The following NR3C2 variants were observed in gnomAD, a reference collection of about 807,000 sequenced individuals.
The protein encoded by NR3C2 is mineralocorticoid receptor.
Under a neutral mutation model 86.4 loss-of-function variants are expected in NR3C2, and 15 were observed. The observed-to-expected ratio is 0.17, with a 90% CI of 0.12 to 0.27. The LOEUF (loss-of-function observed/expected upper bound fraction) is 0.27. Among genes scored for constraint, NR3C2 ranks in the 10% least tolerant of loss-of-function variants. NR3C2 has a pLI of 1.00. For synonymous variants in NR3C2, 458 were observed against 450.5 expected (o/e 1.02, Z -0.21); for missense variants, 960 against 1,195.6 (o/e 0.80, Z 2.91).
chr4:148,142,802 G>A (rs569368334), intron 6 of NR3C2, among the ~76,000 whole-genome samples: 11 of 152,206 alleles, frequency 7.2e-5, no homozygotes, highest in Non-Finnish European at 1.5e-4. Flanking sequence ...GCCCAGCCTC[G>A]GGGTGGATTT....
At chr4:148,399,076 A>G (rs1414841589) in intron 2 of NR3C2, among the ~76,000 whole-genome samples, 1 of 152,246 alleles carries the variant, frequency 6.6e-6, no homozygotes, top group African/African-American at 2.4e-5. Flanking sequence ...TTATCCCTCC[A>G]GGGTCATTTC....
chr4:148,258,163 C>G (rs1739919552), intron 3 of NR3C2, among the ~76,000 whole-genome samples: 1 of 152,340 alleles, frequency 6.6e-6, no homozygotes, highest in East Asian at 1.9e-4. Context: ...GGCCAACTGC[C>G]TGCTCCAAAA....
At chr4:148,162,496 C>G (rs912120155) in intron 4 of NR3C2, among the ~76,000 whole-genome samples, 5 of 152,090 alleles carry the variant, frequency 3.3e-5, no homozygotes, top group African/African-American at 1.2e-4. Context: ...TCTGGCCAGG[C>G]TGGGGACCTC....
chr4:148,317,507 T>A (rs539233162), intron 2 of NR3C2, among the ~76,000 whole-genome samples: 1 of 152,218 alleles, frequency 6.6e-6, no homozygotes, highest in South Asian at 2.1e-4. Context: ...TTTGTACCTA[T>A]TTTGAACAAC....
At chr4:148,214,677 G>A (rs1354192425) in intron 3 of NR3C2, among the ~76,000 whole-genome samples, 2 of 152,150 alleles carry the variant, frequency 1.3e-5, no homozygotes, top group South Asian at 2.1e-4. Flanking sequence ...GAGGCAGCAG[G>A]AGCCTGCACG....
intron 2 of NR3C2, among the ~76,000 whole-genome samples, chr4:148,432,531 A>G (rs1022215477): frequency 6.6e-6 from 1 of 152,092 alleles, no homozygotes; most frequent in African/African-American, 2.4e-5. Flanking sequence ...GGTCTCAGGA[A>G]CCCTCAAACC....
chr4:148,435,306 C>G lies in NR3C2; in HGVS notation c.1555G>C (p.Gly519Arg). 1.2e-6 allele frequency: 2 copies of G among 1,614,164 alleles called. No individual in the cohort carries two copies. The highest frequency in any genetic ancestry group is 1.7e-6 in the Non-Finnish European group (2 of 1,180,032). ...ATCCTGTAGTGGAAGGACTGTCCAC[C>G]TGAATTCACCCCAACAATAGCAGAG... ...PSSAIVGVNS[G>R]GQSFHYRIGA... is the part of the protein sequence containing the mutation. Residue 519 changes from glycine to arginine, a missense_variant, in exon 2 of 9, where the codon GGT becomes CGT. This residue lies in a region of NR3C2 where 680 missense variants were observed against 719.0 expected (regional missense o/e 0.95). Transcript: ENST00000358102.
chr4:148,093,677 G>A (rs183404156), intron 8 of NR3C2, among the ~76,000 whole-genome samples: 22 of 152,268 alleles, frequency 1.4e-4, no homozygotes, highest in African/African-American at 5.3e-4. Context: ...GGACACAAAT[G>A]ACTGGCAAGT....
At chr4:148,281,394 C>T (rs1039653140) in intron 2 of NR3C2, among the ~76,000 whole-genome samples, 53 of 152,338 alleles carry the variant, frequency 3.5e-4, no homozygotes, top group African/African-American at 1.2e-3. Flanking sequence ...GGAACTAACA[C>T]AGTGACTTAC....
chr4:148,377,615 A>G (rs538632332), intron 2 of NR3C2, among the ~76,000 whole-genome samples: 1 of 152,214 alleles, frequency 6.6e-6, no homozygotes, highest in Non-Finnish European at 1.5e-5. Flanking sequence ...GTAGTGTCCT[A>G]TATCATAGTA....
intron 2 of NR3C2, among the ~76,000 whole-genome samples, chr4:148,289,674 G>T (rs958847365): frequency 1.3e-5 from 2 of 152,118 alleles, no homozygotes; most frequent in African/African-American, 4.8e-5. Context: ...GGGTTGGGCC[G>T]AGAGATTCAT....
chr4:148,133,051 T>C (rs1412392637), intron 6 of NR3C2, among the ~76,000 whole-genome samples: 2 of 151,838 alleles, frequency 1.3e-5, no homozygotes, highest in African/African-American at 2.4e-5. Context: ...ATGTAAAAAT[T>C]AGTAGGGTGT....
At chr4:148,424,482 T>C (rs1024964269) in intron 2 of NR3C2, among the ~76,000 whole-genome samples, 1 of 152,218 alleles carries the variant, frequency 6.6e-6, no homozygotes, top group African/African-American at 2.4e-5. Context: ...GATATTTGTA[T>C]GTAAATATTT....
At chr4:148,090,571 CA>C (rs971517057) in intron 8 of NR3C2, among the ~76,000 whole-genome samples, 3 of 152,204 alleles carry the variant, frequency 2.0e-5, no homozygotes, top group Admixed American at 2.0e-4. Flanking sequence ...AACCTGCTAA[CA>C]GGGGGAGGTC....
chr4:148,346,655 C>G (rs189922455), intron 2 of NR3C2, among the ~76,000 whole-genome samples: 1 of 152,084 alleles, frequency 6.6e-6, no homozygotes, highest in Non-Finnish European at 1.5e-5. Flanking sequence ...AAATAAGATA[C>G]ATGCTACATT....
intron 2 of NR3C2, among the ~76,000 whole-genome samples, chr4:148,338,710 T>A (rs969584611): frequency 1.9e-4 from 29 of 152,122 alleles, no homozygotes; most frequent in African/African-American, 6.8e-4. Context: ...CAAGAGGGTA[T>A]CTTCTCTGGA....
At chr4:148,298,543 A>G (rs1458890759) in intron 2 of NR3C2, among the ~76,000 whole-genome samples, 2 of 152,252 alleles carry the variant, frequency 1.3e-5, no homozygotes, top group Non-Finnish European at 2.9e-5. Flanking sequence ...AGTCACAGCT[A>G]AATTAAAAAT....
chr4:148,357,795 GT>G (rs1219471891), intron 2 of NR3C2, among the ~76,000 whole-genome samples: 1 of 152,096 alleles, frequency 6.6e-6, no homozygotes, highest in Non-Finnish European at 1.5e-5. Flanking sequence ...CAACAGAGAT[GT>G]CAGCCACTTT....
intron 3 of NR3C2, among the ~76,000 whole-genome samples, chr4:148,240,961 C>A (rs1024862070): frequency 6.6e-6 from 1 of 152,078 alleles, no homozygotes; most frequent in Non-Finnish European, 1.5e-5. Flanking sequence ...TTCTCTGGAA[C>A]TATAAAGGAT....
Sources: gnomAD v4.1 joint callset for allele counts (sites outside exome capture counted in the v4.1 genomes callset) on GRCh38, gnomAD v4.1.1 for gene constraint, gnomAD v4.1.1 regional missense constraint, MANE v1.5 for transcripts, NCBI Gene and HGNC (gene_info 2026-07-23, HGNC 2026-07-21) for gene names.